Variants in TRRAP observed in about 807,000 individuals in gnomAD.
TRRAP encodes the protein transformation/transcription domain-associated protein.
In TRRAP, 41 loss-of-function variants were observed where a neutral mutation model predicts 438.8. The ratio of observed to expected loss-of-function variants is 0.09; its 90% confidence interval spans 0.07 to 0.12. TRRAP has a LOEUF of 0.12. TRRAP is among the 10% of genes least tolerant of loss of function. The pLI is 1.00. For synonymous variants in TRRAP, 1,994 were observed against 1,962.9 expected (o/e 1.02, Z -0.42); for missense variants, 3,122 against 5,055.1 (o/e 0.62, Z 11.60).
chr7:98,993,252 G>A (rs147548125), intron 65 of TRRAP, among the ~76,000 whole-genome samples: 24 of 152,348 alleles, frequency 1.6e-4, no homozygotes, highest in African/African-American at 3.1e-4. Flanking sequence ...CTCACCAGGC[G>A]GCGTGTTGTC....
intron 30 of TRRAP, among the ~76,000 whole-genome samples, chr7:98,942,455 C>G (rs1790838815): frequency 6.6e-6 from 1 of 152,258 alleles, no homozygotes; most frequent in South Asian, 2.1e-4. Context: ...CCCCGACCCC[C>G]TCCTTTCTCA....
intron 15 of TRRAP, 32 bp from the exon 16 acceptor site, chr7:98,910,478 C>G: frequency 6.2e-7 from 1 of 1,613,594 alleles, no homozygotes; most frequent in Non-Finnish European, 8.5e-7. Context: ...GAGTTTTATT[C>G]AAGTTAACTT....
chr7:98,913,212 C>T (rs782237995), intron 18 of TRRAP, among the ~76,000 whole-genome samples: 1 of 152,120 alleles, frequency 6.6e-6, no homozygotes, highest in South Asian at 2.1e-4. Context: ...TCAACTCAGA[C>T]GAAGCTGAAC....
At chr7:98,977,123 T>A in intron 56 of TRRAP, 47 bp downstream of exon 56, 1 of 1,606,470 alleles carries the variant, frequency 6.2e-7, no homozygotes, top group Non-Finnish European at 8.5e-7. Flanking sequence ...TGAGAGGTCA[T>A]TTATAACGGT....
chr7:99,001,935 T>C (rs1284595760), intron 67 of TRRAP, among the ~76,000 whole-genome samples: 1 of 152,138 alleles, frequency 6.6e-6, no homozygotes, highest in African/African-American at 2.4e-5. Context: ...ATTGAATACA[T>C]TAGAAACACC....
rs1419553897 is a variant in TRRAP at position 98,912,147 on chromosome 7, C to G, written c.2133C>G (p.Leu711=). The G allele has an allele frequency of 7.4e-6, 12 of 1,614,192 alleles. No homozygotes were observed. The highest frequency in any genetic ancestry group is 7.6e-6 in the Non-Finnish European group (9 of 1,180,044). The change falls in exon 18 of 73, where the codon CTC becomes CTG. Residue 711 remains leucine (L), a synonymous_variant. Transcript: ENST00000456197. ...ACGTGGAGCTCTCCAACCTGTACCT[C>G]AAGCTGTTCAAGCTGGTCTTTGGCT... ...GSNVELSNLY[L]KLFKLVFGSV...
chr7:98,995,724 G>A (rs548960049), intron 67 of TRRAP, among the ~76,000 whole-genome samples: 24 of 110,946 alleles, frequency 2.2e-4, no homozygotes, highest in African/African-American at 7.2e-4. Flanking sequence ...TCCCATCTAC[G>A]CACCCACGTC....
chr7:98,953,829 G>A (rs1463292109), intron 40 of TRRAP, among the ~76,000 whole-genome samples: 4 of 152,206 alleles, frequency 2.6e-5, no homozygotes, highest in Non-Finnish European at 5.9e-5. Flanking sequence ...ACAGTGAAAG[G>A]AAATTTGTGG....
intron 30 of TRRAP, among the ~76,000 whole-genome samples, chr7:98,938,951 A>T (rs1312059138): frequency 1.3e-5 from 2 of 152,358 alleles, no homozygotes; most frequent in Admixed American, 6.5e-5. Flanking sequence ...AGAACATTGG[A>T]AGTCCTTTGG....
chr7:98,965,560 C>A, intron 48 of TRRAP, 136 bp from the exon 49 acceptor site: 1 of 1,166,720 alleles, frequency 8.6e-7, no homozygotes, highest in South Asian at 1.4e-5. Flanking sequence ...TGCTTCAAAT[C>A]CCAGAGCTCT....
intron 8 of TRRAP, 29 bp downstream of exon 8, chr7:98,897,895 C>T (rs782731964): frequency 1.1e-5 from 18 of 1,612,294 alleles, no homozygotes; most frequent in East Asian, 4.5e-5. Context: ...TATTTCTACC[C>T]GTGGCTCCTG....
At chr7:98,909,463 G>T (rs1162611696) in intron 14 of TRRAP, among the ~76,000 whole-genome samples, 6 of 152,206 alleles carry the variant, frequency 3.9e-5, no homozygotes, top group Middle Eastern at 3.2e-3. Flanking sequence ...TTCACTTGGG[G>T]TGATGATATC....
intron 51 of TRRAP, among the ~76,000 whole-genome samples, chr7:98,968,324 C>G (rs902445565): frequency 6.6e-6 from 1 of 152,186 alleles, no homozygotes; most frequent in Admixed American, 6.5e-5. Context: ...TGGCCCCCAT[C>G]ATTCCTTAAG....
rs760092418 is a variant in TRRAP at position 98,967,579 on chromosome 7, T to C, written c.7393T>C (p.Phe2465Leu). 5 of 1,613,976 alleles carry C rather than the reference T, an allele frequency of 3.1e-6. No homozygotes were observed. In the Admixed American group the frequency reaches 8.3e-5, roughly 27 times the overall value. ...RCAQPLIRAK[F>L]FEVFDNSMKR... The stretch of plus-strand genomic sequence containing the variant: ...TGCCCAGCCACTCATCAGGGCAAAG[T>C]TTTTCGAGGTTTTTGACAACTCCAT... Residue 2465 changes from phenylalanine (F) to leucine (L), a missense_variant, in exon 51 of 73, where the codon TTT (phenylalanine) becomes CTT (leucine). By Grantham distance (22) the Phe-to-Leu change is conservative. Coordinates refer to ENST00000456197, the MANE Select transcript of TRRAP (RefSeq NM_001375524.1).
intron 20 of TRRAP, among the ~76,000 whole-genome samples, chr7:98,919,781 C>A (rs1272547924): frequency 1.3e-5 from 2 of 152,150 alleles, no homozygotes; most frequent in African/African-American, 4.8e-5. Context: ...GTTCTTAGGC[C>A]TTCTTACCAT....
At chr7:98,910,960 T>G in intron 16 of TRRAP, 117 bp from the exon 17 acceptor site, 1 of 828,692 alleles carries the variant, frequency 1.2e-6, no homozygotes, top group South Asian at 2.8e-5. Context: ...AGGGGGACAT[T>G]TGTTATCTAA....
At position 98,931,601 on chromosome 7, in the gene TRRAP, C is replaced by T. The variant is rs782296505; in HGVS notation, c.3788C>T (p.Ser1263Leu). ...NSTVRKQAMHSLQVLAQVTGK... is the reference protein window; with the variant it reads ...NSTVRKQAMHLLQVLAQVTGK... ...ACTGTGAGGAAGCAGGCCATGCATT[C>T]GCTGCAGGTGTTGGCCCAGGTCACT... Residue 1263 changes from serine to leucine, a missense_variant, in exon 26 of 73, where the codon TCG (serine) becomes TTG (leucine). By Grantham distance (145) the Ser-to-Leu change is moderately radical. This residue lies in a region of TRRAP where 153 missense variants were observed against 223.0 expected (regional missense o/e 0.69). Coordinates refer to ENST00000456197, the MANE Select transcript of TRRAP (RefSeq NM_001375524.1). 8.7e-6 allele frequency: 14 copies of T among 1,614,120 alleles called. No individual in the cohort carries two copies. The highest frequency in any genetic ancestry group is 1.1e-5 in the South Asian group (1 of 91,088).
At chr7:98,883,543 G>A (rs528800066) in intron 3 of TRRAP, among the ~76,000 whole-genome samples, 1 of 152,258 alleles carries the variant, frequency 6.6e-6, no homozygotes, top group African/African-American at 2.4e-5. Flanking sequence ...TGGAGACAAG[G>A]TCTTACTGTC....
Position 98,910,246 on chromosome 7 carries a change from CA to C in TRRAP, c.1542del (p.Pro515LeufsTer5). On this transcript the variant is annotated frameshift_variant, in exon 15 of 73. Coordinates refer to ENST00000456197, the MANE Select transcript of TRRAP (RefSeq NM_001375524.1). LOFTEE classifies it high-confidence loss of function. ...CCACCTCCACCCCCGCCCCCACCCCCACCTGCCACCCCTGTGACCCCGGCCC... is the reference window on the plus strand; with the variant it reads ...CCACCTCCACCCCCGCCCCCACCCCCCCTGCCACCCCTGTGACCCCGGCCC... Reference protein sequence around the residue: ...PAPPPPPPPPPPATPVTPAPV... With the variant: ...PAPPPPPPPPXPATPVTPAPV... 4.0e-6 allele frequency: 6 copies of C among 1,494,540 alleles called. No individual in the cohort carries two copies. Among genetic ancestry groups the C allele is most frequent in the East Asian group, 2.4e-5 (1 of 41,102 alleles). The allele number at this position is 1,494,540 out of a possible 1,614,324, so 92.6% of individuals were successfully genotyped here.
Sources: allele counts gnomAD v4.1 joint callset (sites outside exome capture counted in the v4.1 genomes callset), GRCh38; gene constraint gnomAD v4.1.1; regional missense constraint gnomAD v4.1.1; transcripts MANE v1.5; gene names NCBI Gene and HGNC (gene_info 2026-07-23, HGNC 2026-07-21).